The following SGK2 variants were observed in gnomAD, a reference collection of about 807,000 sequenced individuals.
SGK2 encodes serum/glucocorticoid regulated kinase 2.
A neutral mutation model predicts 47.5 loss-of-function variants in SGK2; 36 were observed. The ratio of observed to expected loss-of-function variants is 0.76; its 90% CI spans 0.58 to 1.00. The LOEUF is 1.00. Ranked by LOEUF, SGK2 falls within the 50% of genes least tolerant of loss-of-function variation. The probability of loss-of-function intolerance (pLI) is 0.00; values close to 1 mark genes in which losing one functional copy is unlikely to be tolerated. For synonymous variants in SGK2, 157 were observed against 181.9 expected, an observed-to-expected ratio of 0.86 and a Z score of 1.10; for missense variants, 404 against 467.4, an observed-to-expected ratio of 0.86 and a Z score of 1.25.
intron 10 of SGK2, 59 bp downstream of exon 10, chr20:43,575,063 T>G: frequency 1.7e-6 from 2 of 1,147,678 alleles, no homozygotes; most frequent in Non-Finnish European, 2.6e-6. Flanking sequence ...CTGTCTCTCA[T>G]GTGGTCTACA....
At chr20:43,571,819 G>C (rs1167436538) in intron 8 of SGK2, among the ~76,000 whole-genome samples, 1 of 152,162 alleles carries the variant, frequency 6.6e-6, no homozygotes, top group Non-Finnish European at 1.5e-5. Context: ...GTAGGGGTGG[G>C]TCTGAGTTTG....
At chr20:43,569,838 G>T (rs1482441629) in intron 6 of SGK2, among the ~76,000 whole-genome samples, 1 of 152,160 alleles carries the variant, frequency 6.6e-6, no homozygotes, top group African/African-American at 2.4e-5. Context: ...TCGTGGTCAA[G>T]GTTTCTAGTG....
chr20:43,583,551 G>GA (rs1361708167), intron 12 of SGK2: 26 of 985,302 alleles, frequency 2.6e-5, no homozygotes, highest in Non-Finnish European at 2.7e-5. Context: ...CACTAAAGCA[G>GA]ATTTGCAAGC....
Position 43,576,313 on chromosome 20 carries a change from C to T in SGK2, c.783C>T (p.Ala261=), listed in dbSNP as rs1980461056. 6.2e-7 allele frequency: 1 copy of T among 1,614,236 alleles called. No homozygotes were observed. Among genetic ancestry groups the T allele is most frequent in the Non-Finnish European group, 8.5e-7 (1 of 1,180,034 alleles). Reference sequence around the variant, plus strand: ...TCCCCGGAGGCCGGACAGTGGCCGCCTGTGACCTCCTGCAAAGCCTTCTCC... The same window carrying T: ...TCCCCGGAGGCCGGACAGTGGCCGCTTGTGACCTCCTGCAAAGCCTTCTCC... The part of the protein sequence containing the change: ...LQIPGGRTVA[A]CDLLQSLLHK... The change falls in exon 11 of 13, where the codon GCC becomes GCT. Residue 261 remains alanine (A), a synonymous_variant. Coordinates refer to ENST00000373100, the MANE Select transcript of SGK2 (RefSeq NM_170693.3).
Position 43,584,353 on chromosome 20 carries a change from G to A in SGK2, c.940-499G>A, listed in dbSNP as rs575025310. ...AGAAATAGACTCCACCTCTAGATGGGAAATGGAGAATTTGTGAACATTTTT... is the reference window on the plus strand; with the variant it reads ...AGAAATAGACTCCACCTCTAGATGGAAAATGGAGAATTTGTGAACATTTTT... On this transcript the variant is annotated intron_variant, in intron 12 of 12. Transcript: ENST00000373100. Among the ~76,000 whole-genome samples, 5 of 152,244 alleles carry A rather than the reference G, an allele frequency of 3.3e-5. No individual in the cohort carries two copies. In the South Asian group the frequency reaches 8.3e-4, roughly 25 times the overall value.
At chr20:43,569,631 C>A (rs1450234845) in intron 6 of SGK2, 115 bp downstream of exon 6, 4 of 1,246,430 alleles carry the variant, frequency 3.2e-6, no homozygotes, top group African/African-American at 3.0e-5. Flanking sequence ...TTACAATAGA[C>A]CCATTTTGTA....
chr20:43,561,526 A>T (rs886770329), intron 1 of SGK2, among the ~76,000 whole-genome samples: 1 of 151,220 alleles, frequency 6.6e-6, no homozygotes, highest in Non-Finnish European at 1.5e-5. Flanking sequence ...AGTAGCTGGG[A>T]CTACAGGCAC....
At chr20:43,562,510 G>T (rs1979451272) in intron 1 of SGK2, among the ~76,000 whole-genome samples, 1 of 151,982 alleles carries the variant, frequency 6.6e-6, no homozygotes, top group South Asian at 2.1e-4. Flanking sequence ...GGAGGCAGGG[G>T]TGGGTGGATC....
intron 1 of SGK2, among the ~76,000 whole-genome samples, chr20:43,561,386 ATTTTTTTT>A (rs5841510): frequency 8.9e-6 from 1 of 112,412 alleles, no homozygotes; most frequent in African/African-American, 3.5e-5. Flanking sequence ...GAGGCTTTGG[ATTTTTTTT>A]TTTTTTTTTT....
At chr20:43,580,098 G>A (rs1001020949) in intron 12 of SGK2, 37 bp downstream of exon 12, 12 of 1,367,290 alleles carry the variant, frequency 8.8e-6, no homozygotes, top group Non-Finnish European at 1.2e-5. Context: ...TGGATTTCCG[G>A]GGCTGGGGGA....
intron 8 of SGK2, among the ~76,000 whole-genome samples, chr20:43,571,782 GT>G (rs1229804307): frequency 6.6e-6 from 1 of 152,154 alleles, no homozygotes; most frequent in African/African-American, 2.4e-5. Context: ...CTGTCTAGGG[GT>G]TTTCTGTCCA....
chr20:43,574,518 C>T (rs1172285187), intron 9 of SGK2, among the ~76,000 whole-genome samples: 1 of 152,214 alleles, frequency 6.6e-6, no homozygotes, highest in Admixed American at 6.5e-5. Context: ...AAAGGCATCC[C>T]CTCCGGGCAG....
chr20:43,569,697 T>C, intron 6 of SGK2, 181 bp downstream of exon 6: 3 of 626,478 alleles, frequency 4.8e-6, no homozygotes, highest in Non-Finnish European at 8.2e-6. Flanking sequence ...ACCCAGCGCA[T>C]ACCTGGTAGA....
chr20:43,569,810 G>A (rs1979987921), intron 6 of SGK2, among the ~76,000 whole-genome samples: 1 of 152,150 alleles, frequency 6.6e-6, no homozygotes, highest in Non-Finnish European at 1.5e-5. Flanking sequence ...CCCGGGAAAG[G>A]TCAATGCTAA....
In SGK2 at chr20:43,560,082, A is replaced by C. The variant is rs370803105; in HGVS notation, c.-24+923A>C. Among the ~76,000 whole-genome samples, 12 of 152,250 alleles carry C rather than the reference A, an allele frequency of 7.9e-5. 1 individual carries two copies. The highest frequency in any genetic ancestry group is 6.2e-4 in the South Asian group (3 of 4,830). ...CTGCTTAGGCATGGGGGTCACAGTCAAGGTGATGGGGGAGGGTGTGATGGG... is the reference window on the plus strand; with the variant it reads ...CTGCTTAGGCATGGGGGTCACAGTCCAGGTGATGGGGGAGGGTGTGATGGG... On this transcript the variant is annotated intron_variant, in intron 1 of 12. Coordinates refer to ENST00000373100, the MANE Select transcript of SGK2 (RefSeq NM_170693.3).
In SGK2 at chr20:43,567,929, A is replaced by C. The variant is rs752217367; in HGVS notation, c.158A>C (p.Lys53Thr). 1.2e-5 allele frequency: 20 copies of C among 1,614,074 alleles called. No individual in the cohort carries two copies. Among genetic ancestry groups the C allele is most frequent in the Non-Finnish European group, 1.7e-5 (20 of 1,180,004 alleles). Residue 53 changes from lysine to threonine, a missense_variant, in exon 5 of 13, where the codon AAG becomes ACG. Coordinates refer to ENST00000373100, the MANE Select transcript of SGK2 (RefSeq NM_170693.3). ...GTTTCTTCTCAGGTCCTACTGGCCA[A>C]GCGCAAGTCTGATGGGGCGTTCTAT... ...KGNYGKVLLAKRKSDGAFYAV... is the reference protein window; with the variant it reads ...KGNYGKVLLATRKSDGAFYAV...
intron 7 of SGK2, 21 bp downstream of exon 7, chr20:43,570,750 A>G: frequency 6.4e-7 from 1 of 1,573,270 alleles, no homozygotes; most frequent in Non-Finnish European, 8.7e-7. Context: ...CCTGTGGCTC[A>G]GAGCCAGGAC....
At chr20:43,583,319 G>T in intron 12 of SGK2, 1 of 1,288,290 alleles carries the variant, frequency 7.8e-7, no homozygotes. Context: ...ACTTTAGAAT[G>T]AGACACTCCG....
chr20:43,582,964 A>G (rs1454352027), intron 12 of SGK2, among the ~76,000 whole-genome samples: 2 of 152,074 alleles, frequency 1.3e-5, no homozygotes, highest in Admixed American at 1.3e-4. Flanking sequence ...CCAAAGTGCT[A>G]GTTTTGCAAT....
Sources: allele counts gnomAD v4.1 joint callset (sites outside exome capture counted in the v4.1 genomes callset), GRCh38; gene constraint gnomAD v4.1.1; transcripts MANE v1.5; gene names NCBI Gene and HGNC (gene_info 2026-07-23, HGNC 2026-07-21).